Variants in BDKRB2 observed in about 807,000 individuals in gnomAD.
BDKRB2 encodes the protein B2 bradykinin receptor.
In BDKRB2, 6 loss-of-function variants were observed where a neutral mutation model predicts 4.0. The ratio of observed to expected loss-of-function variants is 1.49; its 90% CI spans 0.81 to 2.93. The LOEUF is 2.93. BDKRB2 is among the 30% of genes most tolerant of loss of function. The pLI, the probability that BDKRB2 is intolerant of heterozygous loss-of-function variation, is 0.00. For missense variants in BDKRB2, 478 were observed against 520.1 expected, an observed-to-expected ratio of 0.92 and a Z score of 0.79; for synonymous variants, 225 against 215.3, an observed-to-expected ratio of 1.05 and a Z score of -0.40.
At chr14:96,222,491 C>A (rs1329863688) in intron 1 of BDKRB2, among the ~76,000 whole-genome samples, 2 of 152,058 alleles carry the variant, frequency 1.3e-5, no homozygotes, top group African/African-American at 2.4e-5. Context: ...AGAGCCACCT[C>A]ATTAGAACAA....
intron 1 of BDKRB2, among the ~76,000 whole-genome samples, chr14:96,206,565 A>T (rs1472616594): frequency 6.6e-6 from 1 of 152,054 alleles, no homozygotes; most frequent in Non-Finnish European, 1.5e-5. Flanking sequence ...TGCAAAAGTC[A>T]TCTCGGTTCT....
intron 2 of BDKRB2, chr14:96,237,660 G>A (rs1890967980): frequency 7.0e-6 from 9 of 1,282,818 alleles, no homozygotes; most frequent in African/African-American, 1.5e-5. Context: ...CTTGGGGACA[G>A]CATTTGCAAG....
At chr14:96,237,919 C>T in intron 2 of BDKRB2, 1 of 1,247,646 alleles carries the variant, frequency 8.0e-7, no homozygotes. Flanking sequence ...ATACTTTGGT[C>T]TCTAGTGAGT....
intron 1 of BDKRB2, among the ~76,000 whole-genome samples, chr14:96,214,488 A>G (rs1254886138): frequency 6.6e-6 from 1 of 152,166 alleles, no homozygotes; most frequent in Admixed American, 6.5e-5. Context: ...CTGGGCTCTG[A>G]CAGGAGGCCA....
intron 2 of BDKRB2, chr14:96,238,918 G>A: frequency 1.0e-6 from 1 of 985,956 alleles, no homozygotes. Context: ...CTTGCACTCA[G>A]GGCAGAGCTC....
rs1189448399 is a variant in BDKRB2 at position 96,242,363 on chromosome 14, T to C, written c.*859T>C. On this transcript the variant is annotated 3_prime_UTR_variant, in exon 3 of 3. Transcript: ENST00000554311. Reference sequence around the variant, plus strand: ...TGCCTCAGTTCCCTCTTCTGTAACATGAAGTCGTTGTGAGGGTTAAAGGCA... The same window carrying C: ...TGCCTCAGTTCCCTCTTCTGTAACACGAAGTCGTTGTGAGGGTTAAAGGCA... The C allele has an allele frequency of 6.6e-6, 1 of 152,216 alleles. No homozygotes were observed. Among genetic ancestry groups the C allele is most frequent in the African/African-American group, 2.4e-5 (1 of 41,456 alleles). The allele number at this position is 152,216 out of a possible 1,614,324, so 9.4% of individuals were successfully genotyped here. A position where few individuals can be genotyped will look rare whatever the true frequency, so the allele number is the denominator to read the frequency against.
chr14:96,213,488 C>A (rs546567595), intron 1 of BDKRB2, among the ~76,000 whole-genome samples: 1 of 118,104 alleles, frequency 8.5e-6, no homozygotes, highest in African/African-American at 3.3e-5. Context: ...CTGTCTGGAC[C>A]GACCCAAACA....
Position 96,204,879 on chromosome 14 carries a change from CGGTGGG to C in BDKRB2, c.-118_-113del, listed in dbSNP as rs1566685356. ...TCTGGGCTCCGAGGAGGGGTGGGGA[CGGTGGG>C]GACGGTGGGGACATCAGGCTGCCCC... On this transcript the variant is annotated 5_prime_UTR_variant, in exon 1 of 3. Coordinates refer to ENST00000554311, the MANE Select transcript of BDKRB2 (RefSeq NM_001379692.1). 5.5e-4 allele frequency: 48 copies of C among 87,054 alleles called. 1 individual carries two copies. The Admixed American group carries it at 0.012, about 21-fold the overall frequency. The allele number at this position is 87,054 out of a possible 1,614,324, so 5.4% of individuals were successfully genotyped here. A position where few individuals can be genotyped will look rare whatever the true frequency, so the allele number is the denominator to read the frequency against.
chr14:96,237,800 A>T, intron 2 of BDKRB2: 1 of 1,289,828 alleles, frequency 7.8e-7, no homozygotes, highest in Middle Eastern at 2.1e-4. Flanking sequence ...TTCCGCACTC[A>T]GCAGGCATCT....
intron 1 of BDKRB2, among the ~76,000 whole-genome samples, chr14:96,209,309 ATG>A (rs1890252980): frequency 6.6e-6 from 1 of 152,210 alleles, no homozygotes; most frequent in South Asian, 2.1e-4. Flanking sequence ...GCCACAGAAA[ATG>A]TGTGTGGCCT....
chr14:96,209,794 G>A (rs1258895582), intron 1 of BDKRB2, among the ~76,000 whole-genome samples: 2 of 151,908 alleles, frequency 1.3e-5, no homozygotes, highest in African/African-American at 2.4e-5. Context: ...TCAAGAGTTC[G>A]AGACCAGCCT....
intron 1 of BDKRB2, among the ~76,000 whole-genome samples, chr14:96,231,506 C>T (rs1228254118): frequency 1.3e-5 from 2 of 152,186 alleles, no homozygotes; most frequent in Admixed American, 6.5e-5. Flanking sequence ...TTCCGCCACC[C>T]CCTGCCTGCT....
chr14:96,237,766 G>A (rs1233036896), intron 2 of BDKRB2: 1 of 1,289,836 alleles, frequency 7.8e-7, no homozygotes, highest in East Asian at 5.5e-5. Context: ...TGGGGCCACA[G>A]TGCACTGGAC....
In BDKRB2 at chr14:96,240,778, G is replaced by A; in HGVS notation, c.450G>A (p.Leu150=). ...NLYSSICFLM[L]VSIDRYLALV... is the part of the protein sequence containing the mutation. ...ACAGCAGCATCTGTTTCCTGATGCT[G>A]GTGAGCATCGACCGCTACCTGGCCC... is the stretch of plus-strand genomic sequence containing the variant. Residue 150 remains leucine, a synonymous_variant, in exon 3 of 3, where the codon CTG becomes CTA. Coordinates refer to ENST00000554311, the MANE Select transcript of BDKRB2 (RefSeq NM_001379692.1). 6.4e-7 allele frequency: 1 copy of A among 1,559,562 alleles called. No homozygotes were observed. The highest frequency in any genetic ancestry group is 8.7e-7 in the Non-Finnish European group (1 of 1,154,222).
At chr14:96,225,327 T>A (rs1177267488) in intron 1 of BDKRB2, among the ~76,000 whole-genome samples, 2 of 152,142 alleles carry the variant, frequency 1.3e-5, no homozygotes, top group Non-Finnish European at 2.9e-5. Flanking sequence ...CAATATTCCT[T>A]CCACCTCTTT....
chr14:96,230,060 G>C (rs1237520405), intron 1 of BDKRB2, among the ~76,000 whole-genome samples: 1 of 151,948 alleles, frequency 6.6e-6, no homozygotes, highest in African/African-American at 2.4e-5. Flanking sequence ...CGTGAACCCG[G>C]GAGGCAGAGC....
At chr14:96,213,349 C>A (rs1368575544) in intron 1 of BDKRB2, among the ~76,000 whole-genome samples, 1 of 152,170 alleles carries the variant, frequency 6.6e-6, no homozygotes, top group Non-Finnish European at 1.5e-5. Context: ...TCTAACACAG[C>A]TCTCTGAATC....
Position 96,217,819 on chromosome 14 carries a change from C to T in BDKRB2, c.-40+12860C>T, listed in dbSNP as rs80026658. ...CTATAACTGCTGGATGACCAAAAATCAGGCAGCGATCCCTAAGTCCCTTCT... is the reference window on the plus strand; with the variant it reads ...CTATAACTGCTGGATGACCAAAAATTAGGCAGCGATCCCTAAGTCCCTTCT... On this transcript the variant is annotated intron_variant, in intron 1 of 2. Transcript: ENST00000554311. Among the ~76,000 whole-genome samples the T allele has an allele frequency of 0.013, 1,957 of 152,248 alleles. 88 individuals carry two copies. The East Asian group carries it at 0.16, about 12-fold the overall frequency.
intron 1 of BDKRB2, among the ~76,000 whole-genome samples, chr14:96,209,374 C>G (rs1370244892): frequency 6.6e-6 from 1 of 152,196 alleles, no homozygotes; most frequent in Non-Finnish European, 1.5e-5. Flanking sequence ...GAGAAACTGA[C>G]TGAAGCAGGT....
Sources: gnomAD v4.1 joint callset for allele counts (sites outside exome capture counted in the v4.1 genomes callset) on GRCh38, gnomAD v4.1.1 for gene constraint, MANE v1.5 for transcripts, NCBI Gene and HGNC (gene_info 2026-07-23, HGNC 2026-07-21) for gene names.